Variants in THSD7A observed in about 807,000 individuals in gnomAD.
The protein encoded by THSD7A is thrombospondin type 1 domain containing 7A, also known as thrombospondin type-1 domain-containing protein 7A.
A neutral mutation model predicts 231.3 loss-of-function variants in THSD7A; 96 were observed. The ratio of observed to expected loss-of-function variants is 0.41; its 90% CI spans 0.35 to 0.49. The LOEUF (loss-of-function observed/expected upper bound fraction) is 0.49. Ranked by LOEUF, THSD7A falls within the 20% of genes least tolerant of loss-of-function variation. The probability of loss-of-function intolerance (pLI) is 0.05; values close to 1 mark genes in which losing one functional copy is unlikely to be tolerated. For synonymous variants in THSD7A, 940 were observed against 743.3 expected (o/e 1.26, Z -4.30); for missense variants, 2,290 against 2,070.2 (o/e 1.11, Z -2.06).
Position 11,447,310 on chromosome 7 carries a change from C to T in THSD7A, c.2720G>A (p.Cys907Tyr). The change falls in exon 12 of 28, where the codon TGT (cysteine) becomes TAT (tyrosine). Residue 907 changes from cysteine (C) to tyrosine (Y), a missense_variant. Cys to Tyr is a radical substitution (Grantham distance 194, BLOSUM62 -2). Coordinates refer to ENST00000423059, the MANE Select transcript of THSD7A (RefSeq NM_015204.3). ...QACQIPCQDD[C>Y]QLTSWSKFSS... The stretch of plus-strand genomic sequence containing the variant: ...AAACTTGGACCAGCTGGTCAATTGA[C>T]AGTCATCCTGGCAGGGGATCTGGCA... 4 of 1,613,014 alleles carry T rather than the reference C, an allele frequency of 2.5e-6. No individual in the cohort carries two copies. Among genetic ancestry groups the T allele is most frequent in the Non-Finnish European group, 3.4e-6 (4 of 1,179,436 alleles).
chr7:11,769,153 A>ATATATATTTTTTTTTTTTTTTTTTT, intron 1 of THSD7A, among the ~76,000 whole-genome samples: 1 of 27,650 alleles, frequency 3.6e-5, no homozygotes, highest in Non-Finnish European at 7.0e-5. Context: ...ATATATATAT[A>ATATATATTTTTTTTTTTTTTTTTTT]TTTTTTTTTT....
intron 7 of THSD7A, among the ~76,000 whole-genome samples, chr7:11,480,927 CAA>C (rs3086975): frequency 0.39 from 59,965 of 151,862 alleles, 12,236 homozygotes; most frequent in Admixed American, 0.48. Context: ...TAAATGTGAA[CAA>C]AGAGTCATTT....
intron 1 of THSD7A, among the ~76,000 whole-genome samples, chr7:11,810,045 C>G (rs554740569): frequency 5.9e-5 from 9 of 152,088 alleles, no homozygotes; most frequent in Admixed American, 5.2e-4. Context: ...GGAACTCAAG[C>G]AGACAATCCT....
chr7:11,429,020 A>G lies in THSD7A; in HGVS notation c.3170T>C (p.Val1057Ala), dbSNP rs1784403512. 2 of 1,613,070 alleles carry G rather than the reference A, an allele frequency of 1.2e-6. No homozygotes were observed. The highest frequency in any genetic ancestry group is 1.1e-5 in the South Asian group (1 of 90,952). The change falls in exon 14 of 28, where the codon GTT (valine) becomes GCT (alanine). Residue 1057 changes from valine (V) to alanine (A), a missense_variant. Coordinates refer to ENST00000423059, the MANE Select transcript of THSD7A (RefSeq NM_015204.3). ...CSKSCGSGVKVRSKWLREKPY... is the reference protein window; with the variant it reads ...CSKSCGSGVKARSKWLREKPY... ...TTTTTCACGCAGCCATTTAGAACGA[A>G]CCTTCACACCACTCCCACAGGACTT... is the stretch of plus-strand genomic sequence containing the variant.
chr7:11,677,535 T>C (rs979557942), intron 1 of THSD7A, among the ~76,000 whole-genome samples: 15 of 116,036 alleles, frequency 1.3e-4, no homozygotes, highest in African/African-American at 5.0e-4. Context: ...AAGACACACA[T>C]AGGCTCAAAA....
chr7:11,516,751 T>C (rs1788046691), intron 6 of THSD7A, among the ~76,000 whole-genome samples: 1 of 152,352 alleles, frequency 6.6e-6, no homozygotes, highest in African/African-American at 2.4e-5. Context: ...AAATGTTATT[T>C]GAAAATAAGG....
intron 2 of THSD7A, among the ~76,000 whole-genome samples, chr7:11,609,422 A>ATCT (rs1227425388): frequency 1.3e-5 from 2 of 152,184 alleles, no homozygotes; most frequent in East Asian, 3.9e-4. Context: ...CAGAACTGGG[A>ATCT]GGACCCACTT....
rs779763517 is a variant in THSD7A, at chr7:11,590,652, A to G, written c.1272-11T>C. ...GTTCTCCAGCCATACCTAAATAAAG[A>G]CAACACCACCAGCAGCAACCATAAT... On this transcript the variant is annotated splice_polypyrimidine_tract_variant and intron_variant, in intron 3 of 27. Coordinates refer to ENST00000423059, the MANE Select transcript of THSD7A (RefSeq NM_015204.3). This position sits in a 1 kb window ranked among gnomAD's most constrained non-coding sequence, Gnocchi z 4.4. 1.8e-5 allele frequency: 28 copies of G among 1,591,316 alleles called. No individual in the cohort carries two copies. The highest frequency in any genetic ancestry group is 2.6e-6 in the Non-Finnish European group (3 of 1,168,440).
chr7:11,568,624 C>CAAAAA (rs33930587), intron 4 of THSD7A, among the ~76,000 whole-genome samples: 24 of 48,986 alleles, frequency 4.9e-4, no homozygotes, highest in East Asian at 7.6e-4. Context: ...AACTCCGTCT[C>CAAAAA]AAAAAAAAAA....
intron 1 of THSD7A, among the ~76,000 whole-genome samples, chr7:11,790,684 G>C (rs1401198450): frequency 6.6e-6 from 1 of 151,786 alleles, no homozygotes; most frequent in Non-Finnish European, 1.5e-5. Context: ...TTTATGAAAT[G>C]ATTTTATTTG....
chr7:11,715,597 T>C (rs1172416028), intron 1 of THSD7A, among the ~76,000 whole-genome samples: 1 of 151,532 alleles, frequency 6.6e-6, no homozygotes, highest in Non-Finnish European at 1.5e-5. Context: ...GAGAATTATA[T>C]ATTTTGTATA....
At chr7:11,651,486 A>ACTATCTATCATCTATCTATCTATCTAT (rs373522018) in intron 1 of THSD7A, among the ~76,000 whole-genome samples, 1 of 149,666 alleles carries the variant, frequency 6.7e-6, no homozygotes, top group African/African-American at 2.5e-5. Flanking sequence ...CTATCTATCA[A>ACTATCTATCATCTATCTATCTATCTAT]CTATCTATCT....
In THSD7A at chr7:11,392,483, A is replaced by C. The variant is rs145532825; in HGVS notation, c.4411+9312T>G. 9.7e-3 allele frequency among the ~76,000 whole-genome samples: 1,479 copies of C among 152,230 alleles called. 30 individuals carry two copies. The highest frequency in any genetic ancestry group is 0.034 in the African/African-American group (1,400 of 41,536). Reference sequence around the variant, plus strand: ...TTGGGCAGACACTGAGCTAGTTGCAAGAGTTTTTTTTTCATACCCAAGTGG... The same window carrying C: ...TTGGGCAGACACTGAGCTAGTTGCACGAGTTTTTTTTTCATACCCAAGTGG... On this transcript the variant is annotated intron_variant, in intron 23 of 27. Transcript: ENST00000423059.
chr7:11,567,641 A>G (rs1285250629), intron 4 of THSD7A, among the ~76,000 whole-genome samples: 1 of 152,168 alleles, frequency 6.6e-6, no homozygotes, highest in African/African-American at 2.4e-5. Context: ...CTGACATCTG[A>G]TTTAGGGTAA....
rs982963064 is a variant in THSD7A, at chr7:11,424,785, T to C, written c.3294A>G (p.Leu1098=). ...AGATGCTCCAGGGCTCTGTGACCCATAGGTACTGGTTGCAGTCACTGTGGC... is the reference window on the plus strand; with the variant it reads ...AGATGCTCCAGGGCTCTGTGACCCACAGGTACTGGTTGCAGTCACTGTGGC... The part of the protein sequence containing the change: ...VPCHSDCNQY[L]WVTEPWSICK... The change falls in exon 16 of 28, where the codon CTA becomes CTG. Residue 1098 remains leucine, a synonymous_variant. Coordinates refer to ENST00000423059, the MANE Select transcript of THSD7A (RefSeq NM_015204.3). The C allele has an allele frequency of 5.0e-6, 8 of 1,613,880 alleles. No individual in the cohort carries two copies. The African/African-American group carries it at 6.7e-5, about 13-fold the overall frequency.
chr7:11,478,354 C>G (rs1583818349), intron 7 of THSD7A, among the ~76,000 whole-genome samples: 1 of 152,124 alleles, frequency 6.6e-6, no homozygotes, highest in Non-Finnish European at 1.5e-5. Flanking sequence ...TCTCATACAA[C>G]CCATGTGCCC....
In THSD7A at chr7:11,469,729, A is replaced by T. The variant is rs575221076; in HGVS notation, c.2368+150T>A. ...GTATTCTAAAGCTATGTTATTTCCT[A>T]GAGGGAAACTAACATTTTATGGCAT... On this transcript the variant is annotated intron_variant, in intron 9 of 27. Coordinates refer to ENST00000423059, the MANE Select transcript of THSD7A (RefSeq NM_015204.3). 7.4e-5 allele frequency: 41 copies of T among 552,234 alleles called. No homozygotes were observed. In the East Asian group the frequency reaches 1.2e-3, roughly 16 times the overall value. 34.2% of individuals were successfully genotyped at this position (552,234 alleles called of 1,614,324 possible).
chr7:11,410,708 T>C (rs1480076081), intron 19 of THSD7A, among the ~76,000 whole-genome samples: 1 of 152,128 alleles, frequency 6.6e-6, no homozygotes, highest in Non-Finnish European at 1.5e-5. Context: ...GCTGACTTCA[T>C]TCCTCTGTTT....
intron 2 of THSD7A, among the ~76,000 whole-genome samples, chr7:11,629,804 T>C (rs1781590158): frequency 1.3e-5 from 2 of 152,202 alleles, no homozygotes; most frequent in South Asian, 2.1e-4. Flanking sequence ...CCAAGAAAGA[T>C]ATATAGGATT....
Sources: allele counts gnomAD v4.1 joint callset (sites outside exome capture counted in the v4.1 genomes callset), GRCh38; gene constraint gnomAD v4.1.1; non-coding constraint Gnocchi (gnomAD v3.1); transcripts MANE v1.5; gene names NCBI Gene and HGNC (gene_info 2026-07-23, HGNC 2026-07-21).